AGMO: variants seen among roughly 807,000 people sequenced by gnomAD.
AGMO encodes the protein glyceryl-ether monooxygenase.
A neutral mutation model predicts 60.2 loss-of-function variants in AGMO; 75 were observed. That is an observed-to-expected ratio of 1.25 (90% confidence interval 1.03 to 1.51). AGMO has a LOEUF of 1.51. AGMO is among the 40% of genes most tolerant of loss of function. The pLI, the probability that AGMO is intolerant of heterozygous loss-of-function variation, is 0.00. For synonymous variants in AGMO, 261 were observed against 177.1 expected, an observed-to-expected ratio of 1.47 and a Z score of -3.76; for missense variants, 763 against 525.5, an observed-to-expected ratio of 1.45 and a Z score of -4.42.
chr7:15,359,417 G>A (rs909190983), intron 12 of AGMO, among the ~76,000 whole-genome samples: 1 of 151,526 alleles, frequency 6.6e-6, no homozygotes, highest in Non-Finnish European at 1.5e-5. Context: ...TTCTATTACT[G>A]TAGTGAAAAC....
At chr7:15,465,974 A>C (rs1222887896) in intron 3 of AGMO, among the ~76,000 whole-genome samples, 3 of 152,160 alleles carry the variant, frequency 2.0e-5, no homozygotes, top group African/African-American at 7.2e-5. Flanking sequence ...CATTCATCTA[A>C]TTATTCATTT....
chr7:15,213,509 C>G (rs1444090704), intron 12 of AGMO, among the ~76,000 whole-genome samples: 1 of 151,804 alleles, frequency 6.6e-6, no homozygotes, highest in Non-Finnish European at 1.5e-5. Context: ...AAGGATACAT[C>G]AGAAATATTG....
At chr7:15,310,993 T>C (rs894392732) in intron 12 of AGMO, among the ~76,000 whole-genome samples, 16 of 152,134 alleles carry the variant, frequency 1.1e-4, no homozygotes, top group Non-Finnish European at 2.4e-4. Flanking sequence ...CTAAAAACAC[T>C]TCTGACGGCA....
chr7:15,131,757 AACACACACACAC>A, the AGMO span, among the ~76,000 whole-genome samples: 2 of 146,256 alleles, frequency 1.4e-5, no homozygotes, highest in African/African-American at 2.5e-5. Flanking sequence ...CAAAGAAATT[AACACACACACAC>A]ACACACACAC....
chr7:15,183,265 C>G, the AGMO span, among the ~76,000 whole-genome samples: 1 of 151,970 alleles, frequency 6.6e-6, no homozygotes, highest in East Asian at 1.9e-4. Context: ...ATTTCCAAAG[C>G]CCACAAAACT....
At position 15,387,474 on chromosome 7, in the gene AGMO, C is replaced by G. The variant is rs1386994809; in HGVS notation, c.889G>C (p.Val297Leu). 6.2e-7 allele frequency: 1 copy of G among 1,613,914 alleles called. No homozygotes were observed. Among genetic ancestry groups the G allele is most frequent in the South Asian group, 1.1e-5 (1 of 91,064 alleles). Residue 297 changes from valine (V) to leucine (L), a missense_variant, in exon 9 of 13, where the codon GTC (valine) becomes CTC (leucine). By Grantham distance (32) the Val-to-Leu change is conservative. Coordinates refer to ENST00000342526, the MANE Select transcript of AGMO (RefSeq NM_001004320.2). ...ATPGFFNKFS[V>L]IFKGPGWGPG... Reference sequence around the variant, plus strand: ...CCCCATCCCGGTCCCTTAAATATGACAGAAAACTTATTGAAGAATCCAGGT... The same window carrying G: ...CCCCATCCCGGTCCCTTAAATATGAGAGAAAACTTATTGAAGAATCCAGGT...
intron 12 of AGMO, among the ~76,000 whole-genome samples, chr7:15,259,949 C>A (rs1205322585): frequency 9.6e-6 from 1 of 103,878 alleles, no homozygotes; most frequent in Non-Finnish European, 1.9e-5. Context: ...GAAATATATC[C>A]TGGAAATACA....
intron 12 of AGMO, among the ~76,000 whole-genome samples, chr7:15,314,153 A>C (rs891269730): frequency 2.6e-5 from 4 of 152,048 alleles, no homozygotes; most frequent in African/African-American, 9.7e-5. Flanking sequence ...TAAGTTGGAC[A>C]AAAAGGTGAT....
chr7:15,222,650 T>A (rs1781955843), intron 12 of AGMO, among the ~76,000 whole-genome samples: 1 of 152,062 alleles, frequency 6.6e-6, no homozygotes, highest in South Asian at 2.1e-4. Flanking sequence ...CATTTCTTTA[T>A]AATGAACATT....
intron 12 of AGMO, among the ~76,000 whole-genome samples, chr7:15,250,745 G>C (rs1421680494): frequency 6.6e-6 from 1 of 152,052 alleles, no homozygotes; most frequent in Non-Finnish European, 1.5e-5. Context: ...TTCCAGACCA[G>C]ACTGGCCAAC....
chr7:15,391,700 G>T (rs1277900075), intron 6 of AGMO, among the ~76,000 whole-genome samples: 1 of 152,138 alleles, frequency 6.6e-6, no homozygotes, highest in East Asian at 1.9e-4. Flanking sequence ...AAAGGAGAGA[G>T]AGATTGGCTG....
intron 3 of AGMO, among the ~76,000 whole-genome samples, chr7:15,524,320 T>C (rs1192460176): frequency 7.9e-5 from 12 of 152,082 alleles, no homozygotes; most frequent in Admixed American, 7.9e-4. Flanking sequence ...AATAATAGAT[T>C]TTTTAAAATC....
chr7:15,331,322 A>G (rs1167035999), intron 12 of AGMO, among the ~76,000 whole-genome samples: 2 of 152,302 alleles, frequency 1.3e-5, no homozygotes, highest in Non-Finnish European at 2.9e-5. Context: ...TTAAGCCACT[A>G]AGGTTTAGGA....
At chr7:15,268,494 A>T (rs1430037341) in intron 12 of AGMO, among the ~76,000 whole-genome samples, 2 of 152,006 alleles carry the variant, frequency 1.3e-5, no homozygotes, top group African/African-American at 2.4e-5. Flanking sequence ...CCATATGGTC[A>T]TGCAATTATA....
intron 12 of AGMO, among the ~76,000 whole-genome samples, chr7:15,260,372 T>C (rs745343327): frequency 1.3e-5 from 2 of 151,992 alleles, no homozygotes; most frequent in Admixed American, 6.6e-5. Context: ...GCTATTCTTT[T>C]ATCAGACAAA....
At chr7:15,247,596 T>C (rs1427653753) in intron 12 of AGMO, among the ~76,000 whole-genome samples, 2 of 151,844 alleles carry the variant, frequency 1.3e-5, no homozygotes, top group Admixed American at 6.6e-5. Context: ...ACAGACACAT[T>C]CACAGTGAAA....
intron 3 of AGMO, among the ~76,000 whole-genome samples, chr7:15,454,707 C>G (rs1464957466): frequency 6.6e-6 from 1 of 151,928 alleles, no homozygotes; most frequent in Non-Finnish European, 1.5e-5. Flanking sequence ...TGCATTTAAC[C>G]TAATTATATA....
intron 12 of AGMO, among the ~76,000 whole-genome samples, chr7:15,217,123 G>T (rs1204066422): frequency 6.6e-6 from 1 of 152,058 alleles, no homozygotes; most frequent in African/African-American, 2.4e-5. Flanking sequence ...TGTTGCAATT[G>T]AGCCATGAAA....
rs147050831 is a variant in AGMO, at chr7:15,491,230, G to T, written c.409+53542C>A. ...TAAGAACTCATGGTTTAGTCGAGGG[G>T]CTTGGTGGGGGGAGTAATGAAATAT... On this transcript the variant is annotated intron_variant, in intron 3 of 12. Transcript: ENST00000342526. Among the ~76,000 whole-genome samples the T allele has an allele frequency of 8.7e-4, 132 of 152,258 alleles. No homozygotes were observed. The Middle Eastern group carries it at 0.017, about 20-fold the overall frequency.
Sources: allele counts gnomAD v4.1 joint callset (sites outside exome capture counted in the v4.1 genomes callset), GRCh38; gene constraint gnomAD v4.1.1; transcripts MANE v1.5; gene names NCBI Gene and HGNC (gene_info 2026-07-23, HGNC 2026-07-21).